PHF24: variants seen among roughly 807,000 people sequenced by gnomAD.
PHF24 encodes the protein Galpha inhibitory interacting protein.
Under a neutral mutation model 42.6 loss-of-function variants are expected in PHF24, and 25 were observed. The ratio of observed to expected loss-of-function variants is 0.59; its 90% CI spans 0.43 to 0.82. The LOEUF (loss-of-function observed/expected upper bound fraction) is 0.82. Ranked by LOEUF, PHF24 falls within the 40% of genes least tolerant of loss-of-function variation. The probability of loss-of-function intolerance (pLI) is 0.00; values close to 1 mark genes in which losing one functional copy is unlikely to be tolerated. For synonymous variants in PHF24, 185 were observed against 204.8 expected, an observed-to-expected ratio of 0.90 and a Z score of 0.83; for missense variants, 470 against 538.1, an observed-to-expected ratio of 0.87 and a Z score of 1.25.
the PHF24 span, among the ~76,000 whole-genome samples, chr9:34,666,801 C>T: frequency 2.0e-5 from 3 of 152,104 alleles, no homozygotes; most frequent in Admixed American, 1.3e-4. Context: ...CAAAAGTTAG[C>T]CGGGCGTGGT....
At chr9:34,766,726 T>C in the PHF24 span, among the ~76,000 whole-genome samples, 1 of 152,372 alleles carries the variant, frequency 6.6e-6, no homozygotes, top group African/African-American at 2.4e-5. Context: ...CGTCCAGCTT[T>C]GTTCCGTTGC....
the PHF24 span, among the ~76,000 whole-genome samples, chr9:34,677,262 A>G: frequency 4.9e-3 from 749 of 152,028 alleles, 5 homozygotes; most frequent in African/African-American, 0.017. Context: ...CCTCTTCTCT[A>G]TTCCAACTGC....
At chr9:34,898,077 A>C in the PHF24 span, among the ~76,000 whole-genome samples, 2 of 152,120 alleles carry the variant, frequency 1.3e-5, no homozygotes, top group Non-Finnish European at 2.9e-5. Flanking sequence ...TCATTGACTG[A>C]TGGGCATTTG....
the PHF24 span, among the ~76,000 whole-genome samples, chr9:34,852,574 T>C: frequency 6.6e-6 from 1 of 152,256 alleles, no homozygotes; most frequent in Non-Finnish European, 1.5e-5. Flanking sequence ...TTTCTTTTCC[T>C]TGAGCACTTT....
chr9:34,709,403 T>C, the PHF24 span: 1 of 1,609,244 alleles, frequency 6.2e-7, no homozygotes, highest in Non-Finnish European at 8.5e-7. Flanking sequence ...GCTATGGCCC[T>C]TTAGGGGTCT....
chr9:34,821,804 C>T, the PHF24 span, among the ~76,000 whole-genome samples: 345 of 152,292 alleles, frequency 2.3e-3, 1 homozygote, highest in African/African-American at 7.4e-3. Context: ...CACCTTTACT[C>T]CTGATTCCCA....
At chr9:34,934,853 A>G in the PHF24 span, among the ~76,000 whole-genome samples, 1 of 152,224 alleles carries the variant, frequency 6.6e-6, no homozygotes, top group Non-Finnish European at 1.5e-5. Flanking sequence ...TTCAACATGT[A>G]TATACTGTCT....
At chr9:34,852,770 T>G in the PHF24 span, among the ~76,000 whole-genome samples, 2 of 152,232 alleles carry the variant, frequency 1.3e-5, no homozygotes, top group Non-Finnish European at 2.9e-5. Flanking sequence ...AGATTGAATC[T>G]GACTGGAGAC....
chr9:34,934,627 C>T, the PHF24 span, among the ~76,000 whole-genome samples: 21,380 of 151,744 alleles, frequency 0.14, 2,070 homozygotes, highest in Non-Finnish European at 0.21. Flanking sequence ...CCCTGACTCT[C>T]AAACAAAATT....
At chr9:34,835,610 G>C in the PHF24 span, 1 of 1,551,778 alleles carries the variant, frequency 6.4e-7, no homozygotes, top group Non-Finnish European at 8.7e-7. Flanking sequence ...TGGTTCAGTG[G>C]AGCCCTTGGC....
At chr9:34,728,217 C>G in the PHF24 span, 1 of 710,728 alleles carries the variant, frequency 1.4e-6, no homozygotes, top group African/African-American at 1.8e-5. Flanking sequence ...TAAGGCATGT[C>G]TGAGTACAGC....
the PHF24 span, among the ~76,000 whole-genome samples, chr9:34,667,251 G>A: frequency 6.6e-6 from 1 of 152,182 alleles, no homozygotes; most frequent in East Asian, 1.9e-4. Flanking sequence ...CCAGAAATAA[G>A]TGGGGTGAAA....
chr9:34,878,667 A>T, the PHF24 span, among the ~76,000 whole-genome samples: 1 of 152,172 alleles, frequency 6.6e-6, no homozygotes, highest in Non-Finnish European at 1.5e-5. Flanking sequence ...AGGCTGGGGG[A>T]GGGGCGTCCG....
the PHF24 span, among the ~76,000 whole-genome samples, chr9:34,949,850 G>A: frequency 6.6e-6 from 1 of 151,870 alleles, no homozygotes; most frequent in Non-Finnish European, 1.5e-5. Flanking sequence ...GGCCTCTCGG[G>A]GGTAGGGGGA....
the PHF24 span, among the ~76,000 whole-genome samples, chr9:34,669,213 G>A: frequency 6.6e-6 from 1 of 152,124 alleles, no homozygotes; most frequent in Non-Finnish European, 1.5e-5. Context: ...CATGTCATGA[G>A]TGTGTGCTCA....
At chr9:34,882,653 T>A in the PHF24 span, among the ~76,000 whole-genome samples, 1 of 152,100 alleles carries the variant, frequency 6.6e-6, no homozygotes, top group Non-Finnish European at 1.5e-5. Context: ...ATCTAACTTA[T>A]AAGAGATGTG....
At chr9:34,895,494 A>C in the PHF24 span, 2 of 398,160 alleles carry the variant, frequency 5.0e-6, no homozygotes, top group Non-Finnish European at 8.9e-6. Flanking sequence ...TTAAAAAGCA[A>C]GGGCTAAGAG....
chr9:34,854,331 T>C, the PHF24 span, among the ~76,000 whole-genome samples: 1 of 152,050 alleles, frequency 6.6e-6, no homozygotes, highest in Non-Finnish European at 1.5e-5. Context: ...GGGATTTGTT[T>C]GCTCTTGGTT....
At chr9:34,904,025 T>G in the PHF24 span, among the ~76,000 whole-genome samples, 231 of 152,350 alleles carry the variant, frequency 1.5e-3, no homozygotes, top group African/African-American at 5.4e-3. Flanking sequence ...TTGTGTACAT[T>G]AATCTTGTAT....
Sources: gnomAD v4.1 joint callset for allele counts (sites outside exome capture counted in the v4.1 genomes callset) on GRCh38, gnomAD v4.1.1 for gene constraint, MANE v1.5 for transcripts, NCBI Gene and HGNC (gene_info 2026-07-23, HGNC 2026-07-21) for gene names.